Variants in GABRG3 observed in about 807,000 individuals in gnomAD.
The protein encoded by GABRG3 is gamma-aminobutyric acid type A receptor subunit gamma3.
Under a neutral mutation model 48.8 loss-of-function variants are expected in GABRG3, and 25 were observed. The observed-to-expected ratio is 0.51, with a 90% confidence interval of 0.37 to 0.72. The LOEUF (loss-of-function observed/expected upper bound fraction) is 0.72, where lower values mean the gene tolerates loss of function less well. Among genes scored for constraint, GABRG3 ranks in the 30% least tolerant of loss-of-function variants. The pLI is 0.00. For synonymous variants in GABRG3, 227 were observed against 217.6 expected (o/e 1.04, Z -0.38); for missense variants, 394 against 577.9 (o/e 0.68, Z 3.26).
intron 3 of GABRG3, among the ~76,000 whole-genome samples, chr15:27,165,958 A>G (rs998442835): frequency 5.9e-5 from 9 of 152,148 alleles, no homozygotes; most frequent in African/African-American, 2.2e-4. Context: ...GAAGACATGC[A>G]AAGCTACAAA....
At chr15:27,529,093 T>A (rs1196011420) in intron 9 of GABRG3, among the ~76,000 whole-genome samples, 2 of 152,180 alleles carry the variant, frequency 1.3e-5, no homozygotes, top group Non-Finnish European at 1.5e-5. Flanking sequence ...CACTTTCTTT[T>A]GAGCACTATG....
chr15:27,390,342 C>T (rs2140575714), intron 5 of GABRG3, among the ~76,000 whole-genome samples: 2 of 152,242 alleles, frequency 1.3e-5, no homozygotes, highest in Admixed American at 1.3e-4. Flanking sequence ...TTGTAATATA[C>T]AAGTTAAGAA....
At chr15:27,361,433 T>C (rs777725199) in intron 5 of GABRG3, among the ~76,000 whole-genome samples, 2 of 152,166 alleles carry the variant, frequency 1.3e-5, no homozygotes, top group Non-Finnish European at 2.9e-5. Flanking sequence ...AGGACTGCCT[T>C]GGTGTTCTCC....
rs967502129 is a variant in GABRG3 at position 27,270,181 on chromosome 15, A to C, written c.271-56628A>C. ...ATACAACTCTTAGAAAAATGAATCA[A>C]GTTTTTCTCCATTAATATTATGAAT... On this transcript the variant is annotated intron_variant, in intron 3 of 9. Coordinates refer to ENST00000615808, the MANE Select transcript of GABRG3 (RefSeq NM_033223.5). Among the ~76,000 whole-genome samples the C allele has an allele frequency of 1.2e-4, 18 of 152,204 alleles. 1 individual carries two copies. Among genetic ancestry groups the C allele is most frequent in the African/African-American group, 3.9e-4 (16 of 41,452 alleles).
chr15:26,999,291 A>G (rs1895400180), intron 2 of GABRG3, among the ~76,000 whole-genome samples: 1 of 152,172 alleles, frequency 6.6e-6, no homozygotes, highest in South Asian at 2.1e-4. Context: ...CATAGGTTAT[A>G]TTCAGATACC....
intron 3 of GABRG3, among the ~76,000 whole-genome samples, chr15:27,206,324 G>A (rs746899001): frequency 2.0e-4 from 30 of 151,984 alleles, no homozygotes; most frequent in Non-Finnish European, 3.8e-4. Context: ...AAAGTCATTC[G>A]GGGTCAGATT....
intron 6 of GABRG3, among the ~76,000 whole-genome samples, chr15:27,519,742 G>A (rs1891114486): frequency 6.6e-6 from 1 of 152,180 alleles, no homozygotes. Flanking sequence ...CCGTGAATAT[G>A]TTCGTTTTGT....
intron 3 of GABRG3, among the ~76,000 whole-genome samples, chr15:27,323,560 T>C (rs1893503197): frequency 1.3e-5 from 2 of 152,204 alleles, no homozygotes; most frequent in South Asian, 4.1e-4. Context: ...TGTGCAAATA[T>C]AGCCTATTAC....
At chr15:27,251,592 G>T (rs1890457130) in intron 3 of GABRG3, among the ~76,000 whole-genome samples, 1 of 152,196 alleles carries the variant, frequency 6.6e-6, no homozygotes, top group South Asian at 2.1e-4. Context: ...GCATTTTAAA[G>T]AAATCCTAAT....
chr15:27,521,336 G>A (rs961740026), intron 7 of GABRG3, among the ~76,000 whole-genome samples: 6 of 152,184 alleles, frequency 3.9e-5, no homozygotes, highest in South Asian at 2.1e-4. Flanking sequence ...TACCCTAGAC[G>A]TCCTTTAATG....
intron 3 of GABRG3, among the ~76,000 whole-genome samples, chr15:27,115,941 C>T (rs1897633901): frequency 6.6e-6 from 1 of 152,084 alleles, no homozygotes; most frequent in Admixed American, 6.5e-5. Flanking sequence ...GAAAATGAAG[C>T]CCTCAGTGCA....
intron 3 of GABRG3, among the ~76,000 whole-genome samples, chr15:27,325,066 A>G (rs1035031129): frequency 3.4e-5 from 4 of 118,594 alleles, no homozygotes; most frequent in African/African-American, 1.5e-4. Flanking sequence ...TCTGGCTTCC[A>G]GTCCCACATT....
chr15:27,336,847 TC>T (rs1893993678), intron 5 of GABRG3, among the ~76,000 whole-genome samples: 2 of 152,190 alleles, frequency 1.3e-5, no homozygotes, highest in Non-Finnish European at 2.9e-5. Flanking sequence ...AACAAATTAC[TC>T]ATATATGCAA....
At chr15:27,317,518 T>A (rs149042745) in intron 3 of GABRG3, among the ~76,000 whole-genome samples, 90 of 152,328 alleles carry the variant, frequency 5.9e-4, no homozygotes, top group African/African-American at 2.1e-3. Flanking sequence ...GCTTTGTGTT[T>A]GAGAGGCCTC....
chr15:26,972,610 C>A (rs1165699134), intron 1 of GABRG3, among the ~76,000 whole-genome samples: 1 of 152,124 alleles, frequency 6.6e-6, no homozygotes, highest in Non-Finnish European at 1.5e-5. Context: ...GGTCTGGGAG[C>A]TAGAGAATCA....
chr15:26,996,526 T>G (rs190591328), intron 2 of GABRG3, among the ~76,000 whole-genome samples: 3 of 152,240 alleles, frequency 2.0e-5, no homozygotes, highest in African/African-American at 7.2e-5. Context: ...TTGACTATGT[T>G]GTATCTGGGT....
intron 2 of GABRG3, among the ~76,000 whole-genome samples, chr15:26,982,953 A>T (rs1895080862): frequency 6.6e-6 from 1 of 152,146 alleles, no homozygotes; most frequent in Admixed American, 6.5e-5. Context: ...TGCCTGTCTC[A>T]TTTAAATGCT....
chr15:27,202,356 C>T (rs926372189), intron 3 of GABRG3, among the ~76,000 whole-genome samples: 36 of 152,258 alleles, frequency 2.4e-4, no homozygotes, highest in East Asian at 3.9e-4. Flanking sequence ...AATGGCTACC[C>T]GCTTTCGGTT....
chr15:27,020,570 C>A (rs1274346258), intron 2 of GABRG3, among the ~76,000 whole-genome samples: 1 of 124,628 alleles, frequency 8.0e-6, no homozygotes, highest in Non-Finnish European at 1.7e-5. Context: ...CGCCACCACG[C>A]CCGGCTAATT....
Sources: gnomAD v4.1 joint callset for allele counts (sites outside exome capture counted in the v4.1 genomes callset) on GRCh38, gnomAD v4.1.1 for gene constraint, MANE v1.5 for transcripts, NCBI Gene and HGNC (gene_info 2026-07-23, HGNC 2026-07-21) for gene names.